COL23A1: variants seen among roughly 807,000 people sequenced by gnomAD.
COL23A1 encodes the protein collagen type XXIII alpha 1 chain.
Under a neutral mutation model 99.3 loss-of-function variants are expected in COL23A1, and 97 were observed. That is an observed-to-expected ratio of 0.98 (90% CI 0.83 to 1.16). The LOEUF (loss-of-function observed/expected upper bound fraction) is 1.16. COL23A1 is among the 50% of genes most tolerant of loss of function. The pLI, the probability that COL23A1 is intolerant of heterozygous loss-of-function variation, is 0.00. For synonymous variants in COL23A1, 320 were observed against 308.2 expected (o/e 1.04, Z -0.40); for missense variants, 762 against 757.4 (o/e 1.01, Z -0.07).
intron 1 of COL23A1, among the ~76,000 whole-genome samples, chr5:178,585,729 T>TGGATGGCGCTGGGGTAACG (rs1562115562): frequency 0.011 from 124 of 10,982 alleles, 14 homozygotes; most frequent in South Asian, 0.019. Context: ...GGGGTAACAC[T>TGGATGGCGCTGGGGTAACG]CCACAGCCCT....
Position 178,267,298 on chromosome 5 carries a change from G to C in COL23A1, c.522+9C>G, listed in dbSNP as rs1449359519. On this transcript the variant is annotated intron_variant, in intron 8 of 28. Coordinates refer to ENST00000390654, the MANE Select transcript of COL23A1 (RefSeq NM_173465.4). ...GTGGGCAGTGAGGGAGGTCATGCCT[G>C]GTTCTTACCCGGGGGCCAAAGTCTC... 6.2e-7 allele frequency: 1 copy of C among 1,613,972 alleles called. No individual in the cohort carries two copies. Among genetic ancestry groups the C allele is most frequent in the South Asian group, 1.1e-5 (1 of 91,052 alleles).
At chr5:178,256,305 GCC>G in intron 15 of COL23A1, 46 bp downstream of exon 15, 6 of 1,440,720 alleles carry the variant, frequency 4.2e-6, no homozygotes, top group Non-Finnish European at 5.6e-6. Context: ...AAGCTATGGG[GCC>G]CCTAGATCTC....
intron 2 of COL23A1, among the ~76,000 whole-genome samples, chr5:178,367,532 G>A (rs1221268336): frequency 2.0e-5 from 3 of 152,142 alleles, no homozygotes; most frequent in Non-Finnish European, 2.9e-5. Context: ...CCTCACCACC[G>A]TGTTGAATGG....
At chr5:178,277,544 C>T (rs543175040) in intron 5 of COL23A1, among the ~76,000 whole-genome samples, 4 of 152,374 alleles carry the variant, frequency 2.6e-5, no homozygotes, top group African/African-American at 4.8e-5. Context: ...CTGCCCATGG[C>T]GAGGTGACTC....
intron 25 of COL23A1, among the ~76,000 whole-genome samples, chr5:178,244,146 A>AT (rs59008283): frequency 3.7e-4 from 52 of 141,160 alleles, no homozygotes; most frequent in East Asian, 1.0e-3. Flanking sequence ...TGCCTGGCTA[A>AT]TTTTTTTTTT....
intron 5 of COL23A1, among the ~76,000 whole-genome samples, chr5:178,283,758 T>C (rs971748081): frequency 3.9e-5 from 6 of 152,210 alleles, no homozygotes; most frequent in African/African-American, 1.4e-4. Flanking sequence ...CAGGCAAGAT[T>C]AAGCCCTGCA....
chr5:178,435,305 C>G (rs1766496788), intron 2 of COL23A1, among the ~76,000 whole-genome samples: 3 of 152,298 alleles, frequency 2.0e-5, no homozygotes, highest in Admixed American at 1.3e-4. Context: ...CTTCCTGGCC[C>G]AGGCTGGCTC....
chr5:178,257,607 G>T (rs369869927), intron 12 of COL23A1, 40 bp from the exon 13 acceptor site: 14 of 1,549,096 alleles, frequency 9.0e-6, no homozygotes, highest in Non-Finnish European at 1.2e-5. Context: ...TCAGACCCTC[G>T]GGTGGCCAGT....
At chr5:178,510,449 T>A (rs1175373667) in intron 2 of COL23A1, among the ~76,000 whole-genome samples, 1 of 152,050 alleles carries the variant, frequency 6.6e-6, no homozygotes, top group Non-Finnish European at 1.5e-5. Flanking sequence ...GGTTGAGGCA[T>A]GAGAATCACC....
intron 2 of COL23A1, among the ~76,000 whole-genome samples, chr5:178,337,258 C>T (rs186480364): frequency 3.6e-4 from 55 of 152,336 alleles, no homozygotes; most frequent in Middle Eastern, 3.4e-3. Flanking sequence ...CGTGTGAGGG[C>T]GAGGAGAGCA....
At chr5:178,323,421 T>G (rs1759457690) in intron 2 of COL23A1, among the ~76,000 whole-genome samples, 1 of 152,094 alleles carries the variant, frequency 6.6e-6, no homozygotes, top group African/African-American at 2.4e-5. Context: ...TCTCATCCAT[T>G]CAGATGCTAT....
At chr5:178,494,966 G>T (rs1758121733) in intron 2 of COL23A1, among the ~76,000 whole-genome samples, 1 of 152,200 alleles carries the variant, frequency 6.6e-6, no homozygotes, top group Admixed American at 6.5e-5. Context: ...TGGTAGGTGA[G>T]GGTACAGAGT....
At chr5:178,536,310 G>A (rs960576550) in intron 2 of COL23A1, among the ~76,000 whole-genome samples, 3 of 152,240 alleles carry the variant, frequency 2.0e-5, no homozygotes, top group African/African-American at 4.8e-5. Context: ...GACAGACCAG[G>A]GGATGGACCG....
At chr5:178,449,469 C>T (rs375481583) in intron 2 of COL23A1, among the ~76,000 whole-genome samples, 5 of 152,304 alleles carry the variant, frequency 3.3e-5, no homozygotes, top group Admixed American at 6.5e-5. Context: ...ACTACAAACC[C>T]GACAGCAACG....
intron 27 of COL23A1, among the ~76,000 whole-genome samples, chr5:178,240,051 G>C (rs1764310125): frequency 6.6e-6 from 1 of 152,218 alleles, no homozygotes; most frequent in South Asian, 2.1e-4. Flanking sequence ...GGCTGGAGCA[G>C]GGCAGGCTCA....
chr5:178,540,152 C>G (rs772862586), intron 2 of COL23A1, among the ~76,000 whole-genome samples: 5 of 152,112 alleles, frequency 3.3e-5, no homozygotes, highest in African/African-American at 4.8e-5. Flanking sequence ...CTATTCAGCA[C>G]TACTGAAGGT....
intron 2 of COL23A1, among the ~76,000 whole-genome samples, chr5:178,327,577 C>T (rs1473967899): frequency 1.1e-4 from 16 of 152,144 alleles, no homozygotes; most frequent in Non-Finnish European, 2.4e-4. Context: ...TCCTGGGGGG[C>T]CGGTGTTGCC....
chr5:178,453,387 C>T (rs751904332), intron 2 of COL23A1, among the ~76,000 whole-genome samples: 7 of 152,134 alleles, frequency 4.6e-5, no homozygotes, highest in Non-Finnish European at 7.3e-5. Flanking sequence ...TGATGGAGCA[C>T]CCTTTCTTCT....
chr5:178,439,810 T>A lies in COL23A1; in HGVS notation c.361+120872A>T, dbSNP rs1479400851. 1 of 152,244 alleles carries A rather than the reference T, an allele frequency of 6.6e-6. No homozygotes were observed. Among genetic ancestry groups the A allele is most frequent in the Admixed American group, 6.5e-5 (1 of 15,288 alleles). 9.4% of individuals were successfully genotyped at this position (152,244 alleles called of 1,614,324 possible). A position where few individuals can be genotyped will look rare whatever the true frequency, so the allele number is the denominator to read the frequency against. ...CTGGAAACAATCCAAGCATCCATCA[T>A]CTGGCAAATGGAGAAACTACAGTGT... On this transcript the variant is annotated intron_variant, in intron 2 of 28. Transcript: ENST00000390654. The surrounding 1 kb of genome is among the most constrained non-coding windows in gnomAD (Gnocchi z 4.2).
Sources: allele counts gnomAD v4.1 joint callset (sites outside exome capture counted in the v4.1 genomes callset), GRCh38; gene constraint gnomAD v4.1.1; non-coding constraint Gnocchi (gnomAD v3.1); transcripts MANE v1.5; gene names NCBI Gene and HGNC (gene_info 2026-07-23, HGNC 2026-07-21).